Variants in MBD1 observed in about 807,000 individuals in gnomAD.
MBD1 encodes the protein methyl-CpG binding domain protein 1, also known as methyl-CpG-binding domain protein 1.
MBD1 carries 25 observed loss-of-function variants against 82.6 expected under a neutral mutation model. The observed-to-expected ratio is 0.30, with a 90% confidence interval of 0.22 to 0.42. The LOEUF (loss-of-function observed/expected upper bound fraction) is 0.42, where lower values mean the gene tolerates loss of function less well. Ranked by LOEUF, MBD1 falls within the 10% of genes least tolerant of loss-of-function variation. MBD1 has a pLI of 1.00. For synonymous variants in MBD1, 301 were observed against 303.7 expected, an observed-to-expected ratio of 0.99 and a Z score of 0.09; for missense variants, 627 against 819.6, an observed-to-expected ratio of 0.76 and a Z score of 2.87.
upstream of MBD1, chr18:50,281,555 C>T (rs2040273386): frequency 1.7e-6 from 1 of 576,298 alleles, no homozygotes; most frequent in African/African-American, 1.9e-5. Context: ...GCCTCTCGGG[C>T]TCCGCCTCTG....
At chr18:50,267,834 C>G (rs1180846929), downstream of MBD1, among the ~76,000 whole-genome samples, 4 of 152,202 alleles carry the variant, frequency 2.6e-5, no homozygotes, top group African/African-American at 9.7e-5. Flanking sequence ...AATTAGCATT[C>G]CTTAATCATT....
chr18:50,276,600 C>CG, intron 5 of MBD1, 62 bp downstream of exon 5: 2 of 1,573,168 alleles, frequency 1.3e-6, no homozygotes, highest in South Asian at 1.1e-5. Flanking sequence ...CCCAGCCTAG[C>CG]ATGACACTGG....
chr18:50,281,719 G>C (rs979103973), upstream of MBD1: 10 of 390,780 alleles, frequency 2.6e-5, no homozygotes, highest in Middle Eastern at 2.6e-3. Context: ...TAACCCCTTC[G>C]AGGGACTGGC....
intron 16 of MBD1, chr18:50,270,922 A>G (rs1355140778): frequency 1.8e-6 from 1 of 562,408 alleles, no homozygotes; most frequent in African/African-American, 2.1e-5. Flanking sequence ...CAGCTGTTCG[A>G]CATTGGACAA....
At position 50,280,035 on chromosome 18, in the gene MBD1, G is replaced by A; in HGVS notation, c.-25-18C>T. 1.9e-6 allele frequency: 3 copies of A among 1,591,070 alleles called. No homozygotes were observed. The highest frequency in any genetic ancestry group is 1.7e-6 in the Non-Finnish European group (2 of 1,174,856). ...GCAGTAGCCTGAAAGGGGGTGGAAG[G>A]GATGAGGGAAACTGAGGCTCTAGGA... On this transcript the variant is annotated intron_variant, in intron 1 of 16. Transcript: ENST00000269468.
At chr18:50,276,093 G>A in intron 6 of MBD1, 112 bp from the exon 7 acceptor site, 1 of 1,335,512 alleles carries the variant, frequency 7.5e-7, no homozygotes, top group Non-Finnish European at 1.0e-6. Flanking sequence ...TCCCCCATTA[G>A]CCTCATCACC....
In MBD1 at chr18:50,275,994, G is replaced by A. The variant is rs915373223; in HGVS notation, c.517-13C>T. ...CACAGCCCACACGCTGCCAGGAATG[G>A]TAGGGACGAGATCACGGGCCTGCTC... On this transcript the variant is annotated splice_polypyrimidine_tract_variant and intron_variant, in intron 6 of 16. Transcript: ENST00000269468. The A allele has an allele frequency of 1.9e-6, 3 of 1,610,004 alleles. No individual in the cohort carries two copies. The highest frequency in any genetic ancestry group is 1.3e-5 in the African/African-American group (1 of 75,012).
intron 7 of MBD1, 31 bp from the exon 8 acceptor site, chr18:50,275,759 C>T (rs2037603514): frequency 6.2e-7 from 1 of 1,614,152 alleles, no homozygotes; most frequent in East Asian, 2.2e-5. Context: ...GGAGCAGAGG[C>T]ATGAAGCATG....
chr18:50,276,303 C>T (rs1187147341), intron 6 of MBD1, 75 bp downstream of exon 6: 1 of 1,456,010 alleles, frequency 6.9e-7, no homozygotes, highest in Non-Finnish European at 9.6e-7. Flanking sequence ...CCATCATCAT[C>T]CCTTCAGACT....
intron 15 of MBD1, chr18:50,272,367 C>T (rs1457545576): frequency 1.2e-5 from 5 of 423,396 alleles, no homozygotes; most frequent in South Asian, 1.1e-4. Flanking sequence ...TAAAGCTGAC[C>T]CCTATAGAAA....
At chr18:50,275,776 AGCCCATGGGGGCCAG>A (rs752918542) in intron 7 of MBD1, 44 bp downstream of exon 7, 16 of 1,614,110 alleles carry the variant, frequency 9.9e-6, no homozygotes, top group Non-Finnish European at 1.4e-5. Context: ...CATGGGGCCA[AGCCCATGGGGGCCAG>A]GGGCCGAGGT....
Position 50,272,567 on chromosome 18 carries a change from C to A in MBD1, c.1778+110G>T. On this transcript the variant is annotated intron_variant, in intron 15 of 16. Transcript: ENST00000269468. ...TTGTGACCAGCATAGTGGGTATGGG[C>A]CTTTACCTCCCACCACACCATGCCA... The A allele has an allele frequency of 7.7e-6, 9 of 1,168,288 alleles. No homozygotes were observed. In the South Asian group the frequency reaches 1.1e-4, roughly 14 times the overall value. The allele number at this position is 1,168,288 out of a possible 1,614,324, so 72.4% of individuals were successfully genotyped here.
downstream of MBD1, chr18:50,267,668 A>C: frequency 1.3e-6 from 2 of 1,534,634 alleles, no homozygotes; most frequent in African/African-American, 2.7e-5. Flanking sequence ...TAATACCTAA[A>C]AGCCAATTAA....
At position 50,273,645 on chromosome 18, in the gene MBD1, G is replaced by A; in HGVS notation, c.1365C>T (p.Asp455=). The A allele has an allele frequency of 6.2e-7, 1 of 1,613,880 alleles. No homozygotes were observed. Among genetic ancestry groups the A allele is most frequent in the Non-Finnish European group, 8.5e-7 (1 of 1,180,030 alleles). Reference sequence around the variant, plus strand: ...TTGCGCCTTCCCGTAAAAACACAAGGTCAGTGCCAGGCGGGGGCAGCACAA... The same window carrying A: ...TTGCGCCTTCCCGTAAAAACACAAGATCAGTGCCAGGCGGGGGCAGCACAA... ...GGFVLPPPGT[D]LVFLREGASS... is the part of the protein sequence containing the mutation. Residue 455 remains aspartate, a synonymous_variant, in exon 12 of 17, where the codon GAC becomes GAT. Coordinates refer to ENST00000269468, the MANE Select transcript of MBD1 (RefSeq NM_015846.4).
chr18:50,278,603 G>A (rs776769261), intron 2 of MBD1, among the ~76,000 whole-genome samples: 1 of 152,180 alleles, frequency 6.6e-6, no homozygotes, highest in Non-Finnish European at 1.5e-5. Context: ...TACCTGGAAA[G>A]ATAGCAACTT....
chr18:50,271,256 G>T, intron 16 of MBD1: 1 of 1,415,098 alleles, frequency 7.1e-7, no homozygotes, highest in Non-Finnish European at 9.2e-7. Context: ...TCAGGCTCTT[G>T]GGGAGGAGAA....
upstream of MBD1, chr18:50,281,665 T>A (rs530847060): frequency 2.3e-6 from 1 of 434,666 alleles, no homozygotes; most frequent in Admixed American, 3.9e-5. Flanking sequence ...CGCGCCCCCC[T>A]GCCGAGAGCC....
In MBD1 at chr18:50,276,988, A is replaced by G. The variant is rs764959686; in HGVS notation, c.236T>C (p.Val79Ala). The G allele has an allele frequency of 6.2e-7, 1 of 1,614,214 alleles. No homozygotes were observed. The highest frequency in any genetic ancestry group is 1.3e-5 in the African/African-American group (1 of 75,070). The part of the protein sequence containing the change: ...LCYPAPKAHP[V>A]AVASKKRKKP... ...CTTTCGCTTCTTGCTGGCAACCGCC[A>G]CGGGATGGGCCTGGAAAGTAAGGGA... is the stretch of plus-strand genomic sequence containing the variant. The change falls in exon 4 of 17, where the codon GTG becomes GCG. Residue 79 changes from valine (V) to alanine (A), a missense_variant. Val to Ala is a moderately conservative substitution (Grantham distance 64, BLOSUM62 0). This residue lies in a region of MBD1 where 75 missense variants were observed against 74.7 expected (regional missense o/e 1.00). Transcript: ENST00000269468.
Position 50,275,525 on chromosome 18 carries a change from G to T in MBD1, c.792+75C>A. ...AAAAGAAAGACATGAGGTAGGCAAG[G>T]CCAGGTTGAAAGGAAGCAGAGGCAG... is the stretch of plus-strand genomic sequence containing the variant. On this transcript the variant is annotated intron_variant, in intron 8 of 16. Coordinates refer to ENST00000269468, the MANE Select transcript of MBD1 (RefSeq NM_015846.4). 3.1e-6 allele frequency: 5 copies of T among 1,611,476 alleles called. No homozygotes were observed. The South Asian group carries it at 5.5e-5, about 18-fold the overall frequency.
Sources: gnomAD v4.1 joint callset for allele counts (sites outside exome capture counted in the v4.1 genomes callset) on GRCh38, gnomAD v4.1.1 for gene constraint, gnomAD v4.1.1 regional missense constraint, MANE v1.5 for transcripts, NCBI Gene and HGNC (gene_info 2026-07-23, HGNC 2026-07-21) for gene names.